Variants in SH3BGRL2 observed in about 807,000 individuals in gnomAD.
The protein encoded by SH3BGRL2 is SH3 domain binding glutamate rich protein like 2.
In SH3BGRL2, 21 loss-of-function variants were observed where a neutral mutation model predicts 14.8. The observed-to-expected ratio is 1.42, with a 90% confidence interval of 1.01 to 2.05. SH3BGRL2 has a LOEUF of 2.05. SH3BGRL2 is among the 30% of genes most tolerant of loss of function. The pLI is 0.00. For missense variants in SH3BGRL2, 147 were observed against 130.8 expected (o/e 1.12, Z -0.61); for synonymous variants, 50 against 47.8 (o/e 1.05, Z -0.19).
At chr6:79,576,812 GCTC>G in the SH3BGRL2 span, among the ~76,000 whole-genome samples, 1 of 152,156 alleles carries the variant, frequency 6.6e-6, no homozygotes, top group African/African-American at 2.4e-5. Context: ...CCCAAACCTG[GCTC>G]CTCCTTTCAG....
the SH3BGRL2 span, among the ~76,000 whole-genome samples, chr6:79,589,207 T>TATATATA: frequency 4.0e-4 from 42 of 104,930 alleles, no homozygotes; most frequent in East Asian, 7.0e-3. Context: ...TATATATATA[T>TATATATA]TTTTTTTTTT....
chr6:79,640,696 T>C (rs1038979862), intron 1 of SH3BGRL2, among the ~76,000 whole-genome samples: 1 of 151,892 alleles, frequency 6.6e-6, no homozygotes, highest in African/African-American at 2.4e-5. Context: ...TGTGGGGTCT[T>C]GGTGGGCCCT....
At chr6:79,679,354 G>C (rs1241712822) in intron 2 of SH3BGRL2, among the ~76,000 whole-genome samples, 1 of 151,102 alleles carries the variant, frequency 6.6e-6, no homozygotes, top group African/African-American at 2.4e-5. Flanking sequence ...GCATTTCTCT[G>C]ATGATTAGTA....
At chr6:79,603,366 G>T in the SH3BGRL2 span, among the ~76,000 whole-genome samples, 3 of 152,106 alleles carry the variant, frequency 2.0e-5, no homozygotes, top group Non-Finnish European at 4.4e-5. Context: ...GTTTTTATTT[G>T]ATTTATAACG....
At chr6:79,646,294 C>T (rs931848770) in intron 1 of SH3BGRL2, among the ~76,000 whole-genome samples, 1 of 152,228 alleles carries the variant, frequency 6.6e-6, no homozygotes, top group Admixed American at 6.5e-5. Flanking sequence ...TCGTTTAATT[C>T]ATCTTCCTCT....
chr6:79,654,749 G>C (rs1240473428), intron 1 of SH3BGRL2, among the ~76,000 whole-genome samples: 1 of 152,182 alleles, frequency 6.6e-6, no homozygotes, highest in Non-Finnish European at 1.5e-5. Context: ...CTGGACAAAA[G>C]GACGAAATAG....
chr6:79,650,200 A>G (rs1554202305), intron 1 of SH3BGRL2, among the ~76,000 whole-genome samples: 1 of 152,154 alleles, frequency 6.6e-6, no homozygotes, highest in Non-Finnish European at 1.5e-5. Context: ...AGGGAAGGGC[A>G]AGTGCCTGTA....
chr6:79,588,605 A>G, the SH3BGRL2 span, among the ~76,000 whole-genome samples: 3 of 152,328 alleles, frequency 2.0e-5, no homozygotes, highest in Admixed American at 2.0e-4. Context: ...TGGAGGTGGC[A>G]TGTTCTGATC....
At chr6:79,618,948 G>A in the SH3BGRL2 span, among the ~76,000 whole-genome samples, 2 of 106,256 alleles carry the variant, frequency 1.9e-5, no homozygotes, top group African/African-American at 7.0e-5. Flanking sequence ...AGTGTACTGT[G>A]TTGCAAAGTT....
chr6:79,690,442 T>G (rs1272494265), intron 2 of SH3BGRL2, among the ~76,000 whole-genome samples: 1 of 152,172 alleles, frequency 6.6e-6, no homozygotes, highest in Non-Finnish European at 1.5e-5. Flanking sequence ...AGGGGCAATT[T>G]CCAAATAAAT....
At chr6:79,638,884 A>G (rs1768978431) in intron 1 of SH3BGRL2, among the ~76,000 whole-genome samples, 1 of 152,020 alleles carries the variant, frequency 6.6e-6, no homozygotes, top group Non-Finnish European at 1.5e-5. Flanking sequence ...TCCATTCTGT[A>G]GGTTGTCTTT....
the SH3BGRL2 span, among the ~76,000 whole-genome samples, chr6:79,616,893 T>C: frequency 6.6e-6 from 1 of 152,074 alleles, no homozygotes; most frequent in Non-Finnish European, 1.5e-5. Context: ...CTTTTGATTA[T>C]GAAAAAAATC....
the SH3BGRL2 span, among the ~76,000 whole-genome samples, chr6:79,613,674 C>A: frequency 6.6e-6 from 1 of 151,984 alleles, no homozygotes; most frequent in African/African-American, 2.4e-5. Context: ...GCAGTGCATT[C>A]GGCTCACTGC....
chr6:79,540,852 A>C, the SH3BGRL2 span, among the ~76,000 whole-genome samples: 1 of 152,224 alleles, frequency 6.6e-6, no homozygotes, highest in Non-Finnish European at 1.5e-5. Flanking sequence ...ACTGGAAAAA[A>C]TTAGAACAGT....
the SH3BGRL2 span, among the ~76,000 whole-genome samples, chr6:79,560,867 C>CTTTTTTTTTTTTTTTTTTTTTTT: frequency 2.2e-5 from 1 of 45,744 alleles, no homozygotes; most frequent in Non-Finnish European, 3.8e-5. Context: ...ACAATACACT[C>CTTTTTTTTTTTTTTTTTTTTTTT]TTTTTTTTTT....
the SH3BGRL2 span, among the ~76,000 whole-genome samples, chr6:79,566,818 G>A: frequency 6.6e-6 from 1 of 150,808 alleles, no homozygotes; most frequent in East Asian, 1.9e-4. Context: ...GATCGCTTGA[G>A]CCCAGGAGTT....
At chr6:79,604,486 G>A in the SH3BGRL2 span, among the ~76,000 whole-genome samples, 1 of 152,096 alleles carries the variant, frequency 6.6e-6, no homozygotes, top group African/African-American at 2.4e-5. Flanking sequence ...GCCTTGACAG[G>A]AGCAAACGCT....
At chr6:79,588,952 C>G in the SH3BGRL2 span, among the ~76,000 whole-genome samples, 1 of 152,214 alleles carries the variant, frequency 6.6e-6, no homozygotes, top group East Asian at 1.9e-4. Flanking sequence ...AGTTATCTCT[C>G]AGTATCTCTA....
intron 1 of SH3BGRL2, among the ~76,000 whole-genome samples, chr6:79,661,078 C>T (rs10455363): frequency 0.48 from 72,583 of 151,892 alleles, 17,898 homozygotes; most frequent in Non-Finnish European, 0.53. Flanking sequence ...TTTCAAAAAA[C>T]CAGCTCCTGG....
Sources: gnomAD v4.1 joint callset for allele counts (sites outside exome capture counted in the v4.1 genomes callset) on GRCh38, gnomAD v4.1.1 for gene constraint, MANE v1.5 for transcripts, NCBI Gene and HGNC (gene_info 2026-07-23, HGNC 2026-07-21) for gene names.